Variants in NUDT3 observed in about 807,000 individuals in gnomAD.
The protein encoded by NUDT3 is nudix hydrolase 3.
A neutral mutation model predicts 23.6 loss-of-function variants in NUDT3; 9 were observed. The observed-to-expected ratio is 0.38, with a 90% CI of 0.23 to 0.66. NUDT3 has a LOEUF of 0.66. NUDT3 is among the 30% of genes least tolerant of loss of function. NUDT3 has a pLI of 0.52. For synonymous variants in NUDT3, 86 were observed against 82.6 expected (o/e 1.04, Z -0.22); for missense variants, 172 against 218.5 (o/e 0.79, Z 1.34).
At chr6:34,297,034 C>A (rs1470346579) in intron 2 of NUDT3, among the ~76,000 whole-genome samples, 1 of 150,906 alleles carries the variant, frequency 6.6e-6, no homozygotes, top group Non-Finnish European at 1.5e-5. Flanking sequence ...CGGGTTCAAG[C>A]GATTCTCCCA....
chr6:34,324,904 T>C (rs1394297070), intron 2 of NUDT3, among the ~76,000 whole-genome samples: 2 of 152,104 alleles, frequency 1.3e-5, no homozygotes, highest in Non-Finnish European at 2.9e-5. Flanking sequence ...GTGGGGCCAG[T>C]GTTGAATTAC....
intron 1 of NUDT3, among the ~76,000 whole-genome samples, chr6:34,365,775 C>T (rs930793560): frequency 3.3e-5 from 5 of 152,272 alleles, no homozygotes; most frequent in Middle Eastern, 3.4e-3. Flanking sequence ...GGGTACGGGG[C>T]TCACGCCTGT....
At chr6:34,380,411 G>C (rs1229822185) in intron 1 of NUDT3, among the ~76,000 whole-genome samples, 2 of 152,030 alleles carry the variant, frequency 1.3e-5, no homozygotes, top group Non-Finnish European at 2.9e-5. Context: ...GGAGTACAGT[G>C]GCACGACCAT....
At chr6:34,367,617 A>G (rs77348445) in intron 1 of NUDT3, among the ~76,000 whole-genome samples, 2,516 of 152,312 alleles carry the variant, frequency 0.017, 70 homozygotes, top group African/African-American at 0.058. Flanking sequence ...CATAAAGAAC[A>G]TTTTAGTACC....
intron 1 of NUDT3, among the ~76,000 whole-genome samples, chr6:34,360,297 G>T (rs1764630150): frequency 6.6e-6 from 1 of 150,810 alleles, no homozygotes; most frequent in Non-Finnish European, 1.5e-5. Context: ...ACAAACGCCG[G>T]GCACAGTGGC....
chr6:34,356,178 T>A (rs1764558469), intron 1 of NUDT3, among the ~76,000 whole-genome samples: 1 of 152,154 alleles, frequency 6.6e-6, no homozygotes, highest in Admixed American at 6.5e-5. Flanking sequence ...AGGTAATAGG[T>A]ACCCCATTTA....
At position 34,322,330 on chromosome 6, in the gene NUDT3, A is replaced by C. The variant is rs964117830; in HGVS notation, c.210+19532T>G. 3.3e-5 allele frequency among the ~76,000 whole-genome samples: 5 copies of C among 151,588 alleles called. No homozygotes were observed. In the South Asian group the frequency reaches 1.0e-3, roughly 32 times the overall value. On this transcript the variant is annotated intron_variant, in intron 2 of 4. Coordinates refer to ENST00000607016, the MANE Select transcript of NUDT3 (RefSeq NM_006703.4). Reference sequence around the variant, plus strand: ...ACTGCAACCTCCGCCTCCCGGGTTCACGCCATTCTCCTGCCTCAGCCTCCC... The same window carrying C: ...ACTGCAACCTCCGCCTCCCGGGTTCCCGCCATTCTCCTGCCTCAGCCTCCC...
intron 2 of NUDT3, among the ~76,000 whole-genome samples, chr6:34,315,811 TC>T (rs1318965549): frequency 6.6e-6 from 1 of 152,180 alleles, no homozygotes; most frequent in African/African-American, 2.4e-5. Context: ...CTTAGACTTC[TC>T]AAGTTTAAGG....
At position 34,287,148 on chromosome 6, in the gene NUDT3, C is replaced by T. The variant is rs1763345229; in HGVS notation, c.*1605G>A. The T allele has an allele frequency of 6.6e-6, 1 of 152,158 alleles. No individual in the cohort carries two copies. The highest frequency in any genetic ancestry group is 6.5e-5 in the Admixed American group (1 of 15,276). The allele number at this position is 152,158 out of a possible 1,614,324, so 9.4% of individuals were successfully genotyped here. ...GTGCTGAACACTAAATGACACAGGG[C>T]TATGAGGTACATACATTTCTTTTAG... On this transcript the variant is annotated 3_prime_UTR_variant, in exon 5 of 5. Coordinates refer to ENST00000607016, the MANE Select transcript of NUDT3 (RefSeq NM_006703.4).
chr6:34,302,017 C>T (rs758389782), intron 2 of NUDT3, among the ~76,000 whole-genome samples: 4 of 152,036 alleles, frequency 2.6e-5, no homozygotes, highest in East Asian at 3.8e-4. Flanking sequence ...AATGAATCTG[C>T]AGTTCTTTGT....
chr6:34,332,017 G>A (rs1764135962), intron 2 of NUDT3, among the ~76,000 whole-genome samples: 1 of 151,998 alleles, frequency 6.6e-6, no homozygotes, highest in Non-Finnish European at 1.5e-5. Flanking sequence ...TGGGACTACA[G>A]GTATGTGTCA....
At chr6:34,389,622 C>T (rs1765162607) in intron 1 of NUDT3, among the ~76,000 whole-genome samples, 1 of 151,906 alleles carries the variant, frequency 6.6e-6, no homozygotes, top group Non-Finnish European at 1.5e-5. Context: ...CACACCACTA[C>T]ACTCCAACCT....
intron 1 of NUDT3, among the ~76,000 whole-genome samples, chr6:34,356,331 C>G (rs1007674714): frequency 2.0e-5 from 3 of 152,160 alleles, no homozygotes; most frequent in African/African-American, 7.2e-5. Flanking sequence ...TCACAATATT[C>G]CCTTATTATC....
chr6:34,392,235 AC>A, intron 1 of NUDT3, 28 bp downstream of exon 1: 2 of 1,532,390 alleles, frequency 1.3e-6, no homozygotes, highest in Admixed American at 1.9e-5. Context: ...AGACCCGGCG[AC>A]CCCGGCCCGC....
chr6:34,290,744 T>TATC (rs1321637415), intron 4 of NUDT3, among the ~76,000 whole-genome samples: 1 of 147,076 alleles, frequency 6.8e-6, no homozygotes, highest in Non-Finnish European at 1.5e-5. Context: ...ATGGATGTAT[T>TATC]ATCATTCACT....
chr6:34,299,725 G>A (rs1763569582), intron 2 of NUDT3, among the ~76,000 whole-genome samples: 1 of 151,100 alleles, frequency 6.6e-6, no homozygotes, highest in Non-Finnish European at 1.5e-5. Flanking sequence ...GGCCAACACG[G>A]CAAAACCCCA....
At chr6:34,367,812 A>G (rs888569096) in intron 1 of NUDT3, among the ~76,000 whole-genome samples, 3 of 152,236 alleles carry the variant, frequency 2.0e-5, no homozygotes, top group Non-Finnish European at 1.5e-5. Context: ...TAGAAGGAAG[A>G]AAAGATGGAG....
Position 34,288,033 on chromosome 6 carries a change from G to T in NUDT3, c.*720C>A, listed in dbSNP as rs1340161686. ...AAAGAAGGAAAGGCCATGAGTCCTG[G>T]GAGCACTATGAAGGTAGCTAAACTC... On this transcript the variant is annotated 3_prime_UTR_variant, in exon 5 of 5. Coordinates refer to ENST00000607016, the MANE Select transcript of NUDT3 (RefSeq NM_006703.4). 1 of 152,198 alleles carries T rather than the reference G, an allele frequency of 6.6e-6. No individual in the cohort carries two copies. The highest frequency in any genetic ancestry group is 2.4e-5 in the African/African-American group (1 of 41,436). The allele number at this position is 152,198 out of a possible 1,614,324, so 9.4% of individuals were successfully genotyped here.
intron 1 of NUDT3, among the ~76,000 whole-genome samples, chr6:34,373,278 C>CAA (rs55952536): frequency 0.089 from 7,576 of 85,388 alleles, 644 homozygotes; most frequent in East Asian, 0.43. Flanking sequence ...GACTCCGTCT[C>CAA]AAAAAAAAAA....
Sources: allele counts gnomAD v4.1 joint callset (sites outside exome capture counted in the v4.1 genomes callset), GRCh38; gene constraint gnomAD v4.1.1; transcripts MANE v1.5; gene names NCBI Gene and HGNC (gene_info 2026-07-23, HGNC 2026-07-21).